Variants in VRK2 observed in about 807,000 individuals in gnomAD.
VRK2 encodes serine/threonine-protein kinase VRK2.
A neutral mutation model predicts 57.6 loss-of-function variants in VRK2; 60 were observed. The ratio of observed to expected loss-of-function variants is 1.04; its 90% CI spans 0.85 to 1.29. The LOEUF (loss-of-function observed/expected upper bound fraction) is 1.29. Ranked by LOEUF, VRK2 falls within the 50% of genes most tolerant of loss-of-function variation. VRK2 has a pLI of 0.00. For missense variants in VRK2, 705 were observed against 588.1 expected (o/e 1.20, Z -2.06); for synonymous variants, 231 against 199.2 (o/e 1.16, Z -1.35).
chr2:58,111,304 G>A (rs1675531716), intron 7 of VRK2, among the ~76,000 whole-genome samples: 3 of 152,050 alleles, frequency 2.0e-5, no homozygotes, highest in African/African-American at 7.2e-5. Context: ...TAATGTCTAA[G>A]AAAGGCAAGA....
At position 57,942,965 on chromosome 2, in the gene VRK2, G is replaced by C. The variant is rs148218843; in HGVS notation, c.-439+35126G>C. ...TTCTCTCCCTATATATTTTTTAATT[G>C]TTACTTGCATAGAAAAGGGAAAATA... is the stretch of plus-strand genomic sequence containing the variant. On this transcript the variant is annotated intron_variant, in intron 1 of 15. Coordinates refer to the VRK2 transcript ENST00000417641. 6.0e-3 allele frequency among the ~76,000 whole-genome samples: 907 copies of C among 152,156 alleles called. 10 individuals are homozygous for C. Among genetic ancestry groups the C allele is most frequent in the African/African-American group, 0.021 (854 of 41,508 alleles).
At chr2:58,031,070 C>T (rs1674096938) in intron 2 of VRK2, among the ~76,000 whole-genome samples, 1 of 152,058 alleles carries the variant, frequency 6.6e-6, no homozygotes, top group Admixed American at 6.6e-5. Flanking sequence ...TTTCCCTGTG[C>T]CCTTTTCAAG....
intron 1 of VRK2, among the ~76,000 whole-genome samples, chr2:57,955,673 A>G (rs1671565038): frequency 6.6e-6 from 1 of 152,176 alleles, no homozygotes. Flanking sequence ...ATAGGTTGAT[A>G]GGTGCAGCAA....
intron 3 of VRK2, among the ~76,000 whole-genome samples, chr2:58,041,504 G>A (rs1214026263): frequency 1.1e-4 from 17 of 151,978 alleles, no homozygotes; most frequent in African/African-American, 3.9e-4. Context: ...TTGGACTGAC[G>A]AGACAGACTT....
intron 1 of VRK2, among the ~76,000 whole-genome samples, chr2:57,998,216 A>G (rs1044319503): frequency 4.6e-5 from 7 of 152,232 alleles, no homozygotes; most frequent in African/African-American, 1.4e-4. Context: ...TGCAAGTATT[A>G]CTATGATAAG....
chr2:58,155,157 T>C (rs1340926824), intron 12 of VRK2, among the ~76,000 whole-genome samples: 1 of 152,224 alleles, frequency 6.6e-6, no homozygotes, highest in East Asian at 1.9e-4. Context: ...CTTGTGATGT[T>C]ACTGATTTAT....
chr2:58,020,102 T>A (rs1673704647), intron 1 of VRK2, among the ~76,000 whole-genome samples: 1 of 152,210 alleles, frequency 6.6e-6, no homozygotes, highest in Non-Finnish European at 1.5e-5. Context: ...TAAGTGACAA[T>A]TAACAGATCT....
At chr2:58,023,850 G>A (rs1673837765) in intron 1 of VRK2, among the ~76,000 whole-genome samples, 2 of 152,060 alleles carry the variant, frequency 1.3e-5, no homozygotes, top group Admixed American at 1.3e-4. Flanking sequence ...AATCAATATA[G>A]AAGCTTTGGA....
At chr2:58,083,165 C>T (rs1482126550) in intron 2 of VRK2, among the ~76,000 whole-genome samples, 1 of 151,668 alleles carries the variant, frequency 6.6e-6, no homozygotes, top group Non-Finnish European at 1.5e-5. Context: ...CTTTCCCTTT[C>T]CTTCAGATAT....
At chr2:57,987,173 T>C (rs1171394490) in intron 1 of VRK2, among the ~76,000 whole-genome samples, 2 of 151,966 alleles carry the variant, frequency 1.3e-5, no homozygotes, top group African/African-American at 4.8e-5. Flanking sequence ...TTGAACTTTA[T>C]CAAAATCAAA....
At chr2:58,005,151 A>T (rs1471949758) in intron 1 of VRK2, among the ~76,000 whole-genome samples, 1 of 152,200 alleles carries the variant, frequency 6.6e-6, no homozygotes, top group African/African-American at 2.4e-5. Context: ...ATATGACTAT[A>T]TAATTAGCCA....
chr2:58,050,754 G>T (rs919390149), intron 2 of VRK2, among the ~76,000 whole-genome samples: 4 of 152,244 alleles, frequency 2.6e-5, no homozygotes, highest in East Asian at 1.9e-4. Flanking sequence ...TATGATAAAG[G>T]AATATACTTG....
chr2:58,088,761 A>G (rs1001010943), intron 6 of VRK2, among the ~76,000 whole-genome samples: 1 of 152,224 alleles, frequency 6.6e-6, no homozygotes. Context: ...GTCAGTTATA[A>G]CAATGCAAAT....
At chr2:58,093,861 C>G (rs1316957212) in intron 7 of VRK2, among the ~76,000 whole-genome samples, 1 of 152,150 alleles carries the variant, frequency 6.6e-6, no homozygotes, top group Non-Finnish European at 1.5e-5. Flanking sequence ...AGGAAGGGAT[C>G]CAGTTTCAGC....
chr2:58,133,935 T>C (rs576331558), intron 9 of VRK2, among the ~76,000 whole-genome samples: 1 of 152,298 alleles, frequency 6.6e-6, no homozygotes, highest in Non-Finnish European at 1.5e-5. Context: ...ATACATAAAC[T>C]TTGAGTTAAA....
chr2:58,131,772 A>C, intron 8 of VRK2, 36 bp from the exon 9 acceptor site: 1 of 1,550,256 alleles, frequency 6.5e-7, no homozygotes, highest in Non-Finnish European at 8.7e-7. Context: ...GGACTTGCTT[A>C]TCCCTTATCT....
At position 58,128,400 on chromosome 2, in the gene VRK2, C is replaced by A. The variant is rs184481486; in HGVS notation, c.677-3408C>A. Among the ~76,000 whole-genome samples the A allele has an allele frequency of 8.2e-4, 125 of 152,168 alleles. 1 individual carries two copies. Among genetic ancestry groups the A allele is most frequent in the Non-Finnish European group, 1.4e-3 (97 of 67,986 alleles). ...AGGCTGGAGGACAGTGGTGCTATCT[C>A]GGCTCACCACAACCTCCACTTCCTG... is the stretch of plus-strand genomic sequence containing the variant. On this transcript the variant is annotated intron_variant, in intron 8 of 12. Coordinates refer to ENST00000340157, the MANE Select transcript of VRK2 (RefSeq NM_006296.7).
At chr2:58,011,560 G>A (rs1673419681) in intron 1 of VRK2, among the ~76,000 whole-genome samples, 1 of 152,148 alleles carries the variant, frequency 6.6e-6, no homozygotes, top group Admixed American at 6.5e-5. Context: ...TGTGTCTGGT[G>A]TGCTTTTCCT....
chr2:57,946,296 A>G (rs1209508054), intron 1 of VRK2, among the ~76,000 whole-genome samples: 1 of 152,084 alleles, frequency 6.6e-6, no homozygotes, highest in East Asian at 1.9e-4. Flanking sequence ...GAAGCCATGA[A>G]CAACTCAGGA....
Sources: gnomAD v4.1 joint callset for allele counts (sites outside exome capture counted in the v4.1 genomes callset) on GRCh38, gnomAD v4.1.1 for gene constraint, MANE v1.5 for transcripts, NCBI Gene and HGNC (gene_info 2026-07-23, HGNC 2026-07-21) for gene names.